Variants in RAB37 observed in about 807,000 individuals in gnomAD.
RAB37 encodes RAB37, member RAS oncogene family.
Under a neutral mutation model 33.1 loss-of-function variants are expected in RAB37, and 29 were observed. The observed-to-expected ratio is 0.88, with a 90% CI of 0.65 to 1.20. The LOEUF (loss-of-function observed/expected upper bound fraction) is 1.20. RAB37 is among the 50% of genes most tolerant of loss of function. RAB37 has a pLI of 0.00. For missense variants in RAB37, 299 were observed against 301.1 expected (o/e 0.99, Z 0.05); for synonymous variants, 128 against 119.5 (o/e 1.07, Z -0.47).
chr17:74,686,098 T>A (rs1001668665), intron 1 of RAB37, among the ~76,000 whole-genome samples: 1 of 150,416 alleles, frequency 6.6e-6, no homozygotes, highest in African/African-American at 2.4e-5. Context: ...TCTTGTTATA[T>A]TTTTTTTTTC....
intron 1 of RAB37, among the ~76,000 whole-genome samples, chr17:74,692,985 A>C (rs1007168392): frequency 9.2e-5 from 14 of 152,220 alleles, no homozygotes; most frequent in Non-Finnish European, 1.6e-4. Context: ...GTCCCCACTT[A>C]AGGCACCACA....
At chr17:74,715,520 C>A (rs1204628586) in intron 1 of RAB37, among the ~76,000 whole-genome samples, 5 of 152,164 alleles carry the variant, frequency 3.3e-5, no homozygotes, top group Admixed American at 2.6e-4. Flanking sequence ...AGTAGGGAAG[C>A]CATTGGCTTC....
chr17:74,743,408 G>A, intron 5 of RAB37, 68 bp downstream of exon 5: 1 of 1,525,104 alleles, frequency 6.6e-7, no homozygotes, highest in Non-Finnish European at 9.1e-7. Flanking sequence ...GGCTGGGGTT[G>A]CTTCCTGCCC....
Position 74,738,193 on chromosome 17 carries a change from GGAGT to G in RAB37, c.93+832_93+835del, listed in dbSNP as rs1266189375. On this transcript the variant is annotated intron_variant, in intron 1 of 8. Coordinates refer to ENST00000392613, the MANE Select transcript of RAB37 (RefSeq NM_001006638.3). This position sits in a 1 kb window ranked among gnomAD's most constrained non-coding sequence, Gnocchi z 5.0. ...ACTCTTCCTCTGCAGGGTTGGGGAT[GGAGT>G]GAGGGCTGTCCTGGATTCCGCTGCA... Among the ~76,000 whole-genome samples, 1 of 152,156 alleles carries G rather than the reference GGAGT, an allele frequency of 6.6e-6. No individual in the cohort carries two copies. Among genetic ancestry groups the G allele is most frequent in the Non-Finnish European group, 1.5e-5 (1 of 68,026 alleles).
chr17:74,743,143 T>C lies in RAB37; in HGVS notation c.261T>C (p.Ala87=), dbSNP rs2034662318. 1 of 1,613,410 alleles carries C rather than the reference T, an allele frequency of 6.2e-7. No homozygotes were observed. The highest frequency in any genetic ancestry group is 1.3e-5 in the African/African-American group (1 of 74,904). Residue 87 remains alanine (A), a synonymous_variant, in exon 4 of 9, where the codon GCT becomes GCC. Transcript: ENST00000392613. The stretch of plus-strand genomic sequence containing the variant: ...TCCCTTCCCAGATCTGGGACACCGC[T>C]GGGCAGGAACGGTTCCGAAGCGTCA... ...VRVKLQIWDT[A]GQERFRSVTH...
At chr17:74,717,223 T>C (rs1401780858) in intron 1 of RAB37, among the ~76,000 whole-genome samples, 1 of 152,210 alleles carries the variant, frequency 6.6e-6, no homozygotes. Context: ...AGCAGGTAAC[T>C]GATACCACCA....
At chr17:74,728,631 ATC>A (rs928249711) in intron 1 of RAB37, among the ~76,000 whole-genome samples, 14 of 145,716 alleles carry the variant, frequency 9.6e-5, no homozygotes, top group Admixed American at 1.4e-4. Context: ...CTCTGTATGC[ATC>A]TGTTTCTGTA....
At chr17:74,736,727 GCA>G (rs1480031775), upstream of RAB37, 1 of 1,535,626 alleles carries the variant, frequency 6.5e-7, no homozygotes, top group Non-Finnish European at 8.7e-7. Context: ...TACATGTGCT[GCA>G]AGGCGAGTAC....
intron 1 of RAB37, among the ~76,000 whole-genome samples, chr17:74,713,592 C>T (rs576956950): frequency 2.4e-4 from 37 of 152,134 alleles, no homozygotes; most frequent in South Asian, 4.2e-4. Flanking sequence ...TGGAGAGCCA[C>T]GGCTGATAGA....
chr17:74,747,290 T>G lies in RAB37; in HGVS notation c.*1879T>G, dbSNP rs184940304. 1 of 150,950 alleles carries G rather than the reference T, an allele frequency of 6.6e-6. No individual in the cohort carries two copies. The highest frequency in any genetic ancestry group is 2.4e-5 in the African/African-American group (1 of 41,146). 9.4% of individuals were successfully genotyped at this position (150,950 alleles called of 1,614,324 possible). A position where few individuals can be genotyped will look rare whatever the true frequency, so the allele number is the denominator to read the frequency against. On this transcript the variant is annotated 3_prime_UTR_variant, in exon 9 of 9. Coordinates refer to ENST00000392613, the MANE Select transcript of RAB37 (RefSeq NM_001006638.3). ...AATCCCATAGACAGCTCTGGGCCTC[T>G]TGCATTTGAGTTTTTCAGAATTAAA...
At chr17:74,678,823 A>G (rs1598178606) in intron 1 of RAB37, among the ~76,000 whole-genome samples, 1 of 152,302 alleles carries the variant, frequency 6.6e-6, no homozygotes, top group Admixed American at 6.5e-5. Context: ...TTTTAAAAGC[A>G]AAGCAGGCTG....
intron 1 of RAB37, among the ~76,000 whole-genome samples, chr17:74,707,891 C>T (rs1399522742): frequency 9.2e-5 from 14 of 151,790 alleles, no homozygotes; most frequent in Non-Finnish European, 1.5e-4. Context: ...AAAAATTATA[C>T]AGGCCAGGCA....
intron 1 of RAB37, chr17:74,698,392 C>G (rs1033424531): frequency 1.2e-6 from 2 of 1,613,594 alleles, no homozygotes; most frequent in Non-Finnish European, 1.7e-6. Flanking sequence ...CTTCATCATC[C>G]TCCAAGCCAA....
intron 1 of RAB37, chr17:74,704,911 A>G: frequency 4.1e-6 from 4 of 966,766 alleles, no homozygotes; most frequent in Non-Finnish European, 6.2e-6. Flanking sequence ...CAAGTTTCAC[A>G]GGTTAAATAA....
chr17:74,703,191 C>T lies in RAB37; in HGVS notation c.73-26065C>T, dbSNP rs918090041. The stretch of plus-strand genomic sequence containing the variant: ...AAACCAGATCACAGATGCCCCTGCC[C>T]ATGAGCCCACCCGCAGCCCTGCACA... On this transcript the variant is annotated intron_variant, in intron 1 of 7. Transcript: ENST00000340415. 6.0e-6 allele frequency: 9 copies of T among 1,493,744 alleles called. No homozygotes were observed. In the African/African-American group the frequency reaches 8.3e-5, roughly 14 times the overall value. The allele number at this position is 1,493,744 out of a possible 1,614,324, so 92.5% of individuals were successfully genotyped here.
chr17:74,741,161 C>A (rs112855249), intron 2 of RAB37, among the ~76,000 whole-genome samples: 3 of 152,086 alleles, frequency 2.0e-5, no homozygotes, highest in African/African-American at 7.2e-5. Context: ...GCCGCAGGCA[C>A]GGCATAAGCT....
chr17:74,673,008 T>G (rs1228497579), intron 1 of RAB37: 1 of 152,164 alleles, frequency 6.6e-6, no homozygotes, highest in African/African-American at 2.4e-5. Context: ...GGAGAAAAAA[T>G]GTATAACAAC....
chr17:74,684,657 G>A (rs2032019102), intron 1 of RAB37, among the ~76,000 whole-genome samples: 1 of 151,974 alleles, frequency 6.6e-6, no homozygotes, highest in Non-Finnish European at 1.5e-5. Flanking sequence ...GCGCATGGTG[G>A]CGGGTCCCTG....
In RAB37 at chr17:74,676,342, G is replaced by T. The variant is rs950186309; in HGVS notation, c.72+4684G>T. Among the ~76,000 whole-genome samples the T allele has an allele frequency of 2.6e-5, 4 of 152,022 alleles. No individual in the cohort carries two copies. The highest frequency in any genetic ancestry group is 2.0e-4 in the Admixed American group (3 of 15,262). On this transcript the variant is annotated intron_variant, in intron 1 of 7. Coordinates refer to the RAB37 transcript ENST00000340415. This position sits in a 1 kb window ranked among gnomAD's most constrained non-coding sequence, Gnocchi z 4.1. ...AGTCAGTCTCAGAAAGACTGGGGGT[G>T]GGGGGCAGAAAAACGTGAGCTGCTC...
Sources: gnomAD v4.1 joint callset for allele counts (sites outside exome capture counted in the v4.1 genomes callset) on GRCh38, gnomAD v4.1.1 for gene constraint, Gnocchi (gnomAD v3.1) non-coding constraint, MANE v1.5 for transcripts, NCBI Gene and HGNC (gene_info 2026-07-23, HGNC 2026-07-21) for gene names.